Variants in PACRG observed in about 807,000 individuals in gnomAD.
The protein encoded by PACRG is parkin coregulated.
Under a neutral mutation model 29.7 loss-of-function variants are expected in PACRG, and 29 were observed. The observed-to-expected ratio is 0.98, with a 90% CI of 0.73 to 1.33. PACRG has a LOEUF of 1.33. Ranked by LOEUF, PACRG falls within the 40% of genes most tolerant of loss-of-function variation. PACRG has a pLI of 0.00. For synonymous variants in PACRG, 116 were observed against 118.7 expected (o/e 0.98, Z 0.15); for missense variants, 279 against 316.2 (o/e 0.88, Z 0.89).
chr6:163,295,066 T>G (rs1011324756), intron 4 of PACRG, among the ~76,000 whole-genome samples: 1 of 152,206 alleles, frequency 6.6e-6, no homozygotes, highest in Admixed American at 6.5e-5. Context: ...CTAAATGTAT[T>G]TAAATGCTTA....
At chr6:162,785,203 G>GAGA (rs1784375481) in intron 1 of PACRG, among the ~76,000 whole-genome samples, 23 of 127,192 alleles carry the variant, frequency 1.8e-4, no homozygotes, top group African/African-American at 7.3e-4. Flanking sequence ...AGAGAGAGAG[G>GAGA]GAGAGAAAGG....
rs536292295 is a variant in PACRG at position 162,845,453 on chromosome 6, T to G, written c.291+31172T>G. Among the ~76,000 whole-genome samples, 11 of 152,198 alleles carry G rather than the reference T, an allele frequency of 7.2e-5. No individual in the cohort carries two copies. The South Asian group carries it at 2.3e-3, about 32-fold the overall frequency. On this transcript the variant is annotated intron_variant, in intron 2 of 4. Transcript: ENST00000366888. ...TGGTAAAGTTTGTTGTATATATAAT[T>G]AAAACTCGTGTTTACTGGACAGATA... is the stretch of plus-strand genomic sequence containing the variant.
At chr6:163,034,017 A>G (rs1429669226) in intron 2 of PACRG, among the ~76,000 whole-genome samples, 1 of 152,198 alleles carries the variant, frequency 6.6e-6, no homozygotes, top group East Asian at 1.9e-4. Flanking sequence ...CCATTAATCA[A>G]ACTTTACAGA....
chr6:162,873,116 G>T (rs547172789), intron 2 of PACRG, among the ~76,000 whole-genome samples: 1 of 152,226 alleles, frequency 6.6e-6, no homozygotes, highest in Non-Finnish European at 1.5e-5. Flanking sequence ...GTTTTTCCCT[G>T]GAACTACAGG....
At chr6:163,104,261 G>A (rs965582291) in intron 4 of PACRG, among the ~76,000 whole-genome samples, 1 of 152,064 alleles carries the variant, frequency 6.6e-6, no homozygotes, top group East Asian at 1.9e-4. Flanking sequence ...ACATCAAACA[G>A]AATCTTCTAA....
At chr6:163,152,007 C>G (rs187005293) in intron 4 of PACRG, among the ~76,000 whole-genome samples, 3 of 152,284 alleles carry the variant, frequency 2.0e-5, no homozygotes, top group East Asian at 3.9e-4. Context: ...ATGATAGCTA[C>G]TGAACATAAA....
intron 4 of PACRG, among the ~76,000 whole-genome samples, chr6:163,195,931 G>A (rs1019407328): frequency 6.6e-6 from 1 of 151,864 alleles, no homozygotes; most frequent in African/African-American, 2.4e-5. Flanking sequence ...CCTGATTCTC[G>A]CCTCCATTCT....
rs1554267986 is a variant in PACRG, at chr6:162,730,064, T to TCTCTC, written c.156+1673_156+1674insCTCTC. Among the ~76,000 whole-genome samples, 20 of 73,794 alleles carry TCTCTC rather than the reference T, an allele frequency of 2.7e-4. 1 individual carries two copies. Among genetic ancestry groups the TCTCTC allele is most frequent in the African/African-American group, 8.6e-4 (12 of 13,958 alleles). 48.4% of individuals were successfully genotyped at this position (73,794 alleles called of 152,430 possible). A position where few individuals can be genotyped will look rare whatever the true frequency, so the allele number is the denominator to read the frequency against. ...TTTATTCAGTCAACAACTGTCTCTC[T>TCTCTC]TTTTTTTTTTTTTAATACCCAGTGT... is the stretch of plus-strand genomic sequence containing the variant. On this transcript the variant is annotated intron_variant, in intron 1 of 4. Coordinates refer to ENST00000366888, the MANE Select transcript of PACRG (RefSeq NM_001080379.2).
rs149579935 is a variant in PACRG at position 162,905,483 on chromosome 6, C to T, written c.291+91202C>T. ...ACTAAGTGGGAGCTGGAAAGAATCC[C>T]GCAGCTCGTCTAATTCCACCCTTTA... On this transcript the variant is annotated intron_variant, in intron 2 of 4. Coordinates refer to ENST00000366888, the MANE Select transcript of PACRG (RefSeq NM_001080379.2). Among the ~76,000 whole-genome samples, 31 of 152,204 alleles carry T rather than the reference C, an allele frequency of 2.0e-4. 1 individual carries two copies. The East Asian group carries it at 2.5e-3, about 12-fold the overall frequency.
intron 4 of PACRG, among the ~76,000 whole-genome samples, chr6:163,299,647 G>A (rs549389819): frequency 3.7e-4 from 56 of 152,336 alleles, no homozygotes; most frequent in Non-Finnish European, 3.2e-4. Context: ...TTGGGAAGCC[G>A]AGGTGGGTGG....
chr6:163,292,272 C>A (rs373832462), intron 4 of PACRG, among the ~76,000 whole-genome samples: 2 of 152,158 alleles, frequency 1.3e-5, no homozygotes, highest in Non-Finnish European at 2.9e-5. Context: ...AGTGGCAAGA[C>A]CCAACTCTTT....
At chr6:163,090,620 G>C (rs1814015813) in intron 4 of PACRG, among the ~76,000 whole-genome samples, 1 of 152,158 alleles carries the variant, frequency 6.6e-6, no homozygotes, top group Non-Finnish European at 1.5e-5. Flanking sequence ...TATTTAAACA[G>C]TCTTCATTCA....
intron 1 of PACRG, among the ~76,000 whole-genome samples, chr6:162,739,845 A>T (rs1295621876): frequency 6.8e-6 from 1 of 147,028 alleles, no homozygotes; most frequent in African/African-American, 2.6e-5. Flanking sequence ...CATCTTTAAA[A>T]AAAAAAAAAA....
chr6:162,896,589 G>T (rs1317554997), intron 2 of PACRG, among the ~76,000 whole-genome samples: 1 of 152,168 alleles, frequency 6.6e-6, no homozygotes, highest in African/African-American at 2.4e-5. Flanking sequence ...AACTATGATA[G>T]GAAGGTTGTG....
At chr6:163,165,924 T>G (rs1778784020) in intron 4 of PACRG, 3 of 362,896 alleles carry the variant, frequency 8.3e-6, no homozygotes, top group South Asian at 6.3e-5. Context: ...CCATTAGCCA[T>G]TCTTTAAAAA....
chr6:162,973,031 T>C (rs1284958828), intron 2 of PACRG, among the ~76,000 whole-genome samples: 1 of 152,228 alleles, frequency 6.6e-6, no homozygotes, highest in African/African-American at 2.4e-5. Context: ...TTCTCTATCA[T>C]GGAGAAACTT....
intron 3 of PACRG, among the ~76,000 whole-genome samples, chr6:163,069,494 G>GA (rs1022458844): frequency 8.5e-5 from 13 of 152,124 alleles, no homozygotes; most frequent in African/African-American, 3.1e-4. Flanking sequence ...TTTTGGAGTT[G>GA]AAAAAATGCA....
intron 4 of PACRG, among the ~76,000 whole-genome samples, chr6:163,090,608 C>T (rs1448219667): frequency 2.0e-5 from 3 of 152,122 alleles, no homozygotes; most frequent in Non-Finnish European, 4.4e-5. Flanking sequence ...TTGGAAAATA[C>T]TTATTTAAAC....
chr6:162,975,038 G>A (rs180847824), intron 2 of PACRG, among the ~76,000 whole-genome samples: 41 of 152,242 alleles, frequency 2.7e-4, no homozygotes, highest in Non-Finnish European at 5.3e-4. Context: ...AGAACTTTAT[G>A]GAAAATATGT....
Sources: allele counts gnomAD v4.1 joint callset (sites outside exome capture counted in the v4.1 genomes callset), GRCh38; gene constraint gnomAD v4.1.1; transcripts MANE v1.5; gene names NCBI Gene and HGNC (gene_info 2026-07-23, HGNC 2026-07-21).